OLFML1: variants seen among roughly 807,000 people sequenced by gnomAD.
OLFML1 encodes olfactomedin like 1, also known as olfactomedin-like protein 1.
A neutral mutation model predicts 37.3 loss-of-function variants in OLFML1; 33 were observed. The ratio of observed to expected loss-of-function variants is 0.88; its 90% CI spans 0.67 to 1.18. OLFML1 has a LOEUF of 1.18. Among genes scored for constraint, OLFML1 ranks in the 50% most tolerant of loss-of-function variants. OLFML1 has a pLI of 0.00. For synonymous variants in OLFML1, 186 were observed against 181.3 expected, an observed-to-expected ratio of 1.03 and a Z score of -0.21; for missense variants, 545 against 483.7, an observed-to-expected ratio of 1.13 and a Z score of -1.19.
At chr11:7,500,827 G>C (rs1848714475) in intron 2 of OLFML1, among the ~76,000 whole-genome samples, 1 of 151,414 alleles carries the variant, frequency 6.6e-6, no homozygotes, top group African/African-American at 2.4e-5. Context: ...TTGAGGCCAG[G>C]AGTTTGAGAC....
At chr11:7,496,663 T>G (rs61888646) in intron 2 of OLFML1, among the ~76,000 whole-genome samples, 1 of 151,946 alleles carries the variant, frequency 6.6e-6, no homozygotes, top group African/African-American at 2.4e-5. Flanking sequence ...CAGCTAGAAA[T>G]TGAGAGCATT....
chr11:7,507,485 C>T (rs1038389981), intron 2 of OLFML1, among the ~76,000 whole-genome samples: 1 of 151,948 alleles, frequency 6.6e-6, no homozygotes. Flanking sequence ...CAATCTACTA[C>T]AATTGACCCT....
intron 2 of OLFML1, among the ~76,000 whole-genome samples, chr11:7,497,292 G>A (rs984249512): frequency 1.3e-5 from 2 of 152,160 alleles, no homozygotes; most frequent in Non-Finnish European, 2.9e-5. Context: ...AAAAAAAACA[G>A]ATAAGACAAA....
Position 7,488,240 on chromosome 11 carries a change from C to A in OLFML1, c.243C>A (p.Tyr81Ter). ...LGRCQTYTSE[Y>*]KSAVGNLALR... is the part of the protein sequence containing the mutation. ...GATGTCAGACCTACACAAGTGAGTA[C>A]AAGAGTGCAGTGGGTAACTTGGCAC... Residue 81 changes from tyrosine to a stop codon, truncating the protein, a stop_gained, in exon 2 of 3, where the codon TAC becomes TAA. Transcript: ENST00000329293. LOFTEE classifies it high-confidence loss of function. 1.2e-6 allele frequency: 2 copies of A among 1,613,938 alleles called. No individual in the cohort carries two copies. The highest frequency in any genetic ancestry group is 1.7e-6 in the Non-Finnish European group (2 of 1,179,958).
chr11:7,490,867 G>A lies in OLFML1; in HGVS notation c.418+2452G>A, dbSNP rs1322674719. Among the ~76,000 whole-genome samples, 7 of 152,158 alleles carry A rather than the reference G, an allele frequency of 4.6e-5. No homozygotes were observed. The East Asian group carries it at 7.7e-4, about 17-fold the overall frequency. ...TCTTGCCTCCCACAGTCTGCCTCCT[G>A]TCATGCAGACCTTCCACAACACAAA... On this transcript the variant is annotated intron_variant, in intron 2 of 2. Coordinates refer to ENST00000329293, the MANE Select transcript of OLFML1 (RefSeq NM_198474.4).
chr11:7,508,931 A>G (rs902869488), intron 2 of OLFML1, among the ~76,000 whole-genome samples: 3 of 152,230 alleles, frequency 2.0e-5, no homozygotes, highest in African/African-American at 7.2e-5. Context: ...TAGAGAGTGA[A>G]CACGGTCTCT....
Position 7,485,572 on chromosome 11 carries a change from G to A in OLFML1, c.-304G>A. 1 of 292,912 alleles carries A rather than the reference G, an allele frequency of 3.4e-6. No homozygotes were observed. The highest frequency in any genetic ancestry group is 6.4e-6 in the Non-Finnish European group (1 of 156,498). The allele number at this position is 292,912 out of a possible 1,614,324, so 18.1% of individuals were successfully genotyped here. On this transcript the variant is annotated 5_prime_UTR_variant, in exon 1 of 3. Transcript: ENST00000329293. The stretch of plus-strand genomic sequence containing the variant: ...AAGCAGCTTGCAACCACTAGCCTGG[G>A]GAGGGTCCGCATGTGTCAAGGGTGA...
chr11:7,492,938 A>G (rs1848616230), intron 2 of OLFML1, among the ~76,000 whole-genome samples: 1 of 152,198 alleles, frequency 6.6e-6, no homozygotes, highest in African/African-American at 2.4e-5. Context: ...ACCAAGATTA[A>G]GTGGTGTCTT....
intron 2 of OLFML1, among the ~76,000 whole-genome samples, chr11:7,491,254 T>C (rs538006277): frequency 1.3e-5 from 2 of 152,298 alleles, no homozygotes; most frequent in African/African-American, 4.8e-5. Context: ...GATTGGCCTA[T>C]AATGCTCCTG....
rs141768995 is a variant in OLFML1 at position 7,510,116 on chromosome 11, G to C, written c.1137G>C (p.Gln379His). 3.7e-6 allele frequency: 6 copies of C among 1,614,022 alleles called. No homozygotes were observed. The Admixed American group carries it at 8.3e-5, about 22-fold the overall frequency. ...SMIHYNPRDK[Q>H]LYAWNEGNQI... ...TCCATTACAACCCCAGAGATAAGCA[G>C]CTCTATGCCTGGAATGAAGGAAACC... Residue 379 changes from glutamine to histidine, a missense_variant, in exon 3 of 3, where the codon CAG becomes CAC. Coordinates refer to ENST00000329293, the MANE Select transcript of OLFML1 (RefSeq NM_198474.4).
chr11:7,502,111 C>A (rs1848731130), intron 2 of OLFML1, among the ~76,000 whole-genome samples: 1 of 152,148 alleles, frequency 6.6e-6, no homozygotes, highest in Admixed American at 6.5e-5. Flanking sequence ...GAAAGTGAGA[C>A]TTGAAGGCTA....
chr11:7,507,661 G>A (rs111743361), intron 2 of OLFML1, among the ~76,000 whole-genome samples: 1,840 of 151,762 alleles, frequency 0.012, 47 homozygotes, highest in African/African-American at 0.042. Flanking sequence ...TGATTCTCCT[G>A]CCTCAGCTTG....
intron 2 of OLFML1, among the ~76,000 whole-genome samples, chr11:7,493,852 T>C (rs537611059): frequency 6.6e-5 from 10 of 152,314 alleles, no homozygotes; most frequent in Admixed American, 1.3e-4. Flanking sequence ...ATTCTAGAAA[T>C]ATGTTGGCAT....
chr11:7,506,366 A>T (rs1050767507), intron 2 of OLFML1, among the ~76,000 whole-genome samples: 3 of 152,210 alleles, frequency 2.0e-5, no homozygotes, highest in African/African-American at 7.2e-5. Flanking sequence ...TTCTTCTAAG[A>T]TGTGTGTGAG....
chr11:7,487,804 G>A (rs1051150262), intron 1 of OLFML1, among the ~76,000 whole-genome samples: 1 of 151,796 alleles, frequency 6.6e-6, no homozygotes, highest in African/African-American at 2.4e-5. Flanking sequence ...TTAAAGTTAT[G>A]GTATAGGTAT....
intron 2 of OLFML1, among the ~76,000 whole-genome samples, chr11:7,500,722 G>GTT (rs74647381): frequency 1.4e-5 from 2 of 144,478 alleles, no homozygotes. Flanking sequence ...GTTTAAGAAG[G>GTT]TTTTTTTTTT....
At chr11:7,488,641 T>G in intron 2 of OLFML1, 1 of 358,248 alleles carries the variant, frequency 2.8e-6, no homozygotes, top group East Asian at 5.6e-5. Context: ...AAAGCCTCCA[T>G]AGATGGTGAA....
chr11:7,492,617 G>A (rs1338587422), intron 2 of OLFML1, among the ~76,000 whole-genome samples: 5 of 152,142 alleles, frequency 3.3e-5, no homozygotes, highest in East Asian at 1.9e-4. Flanking sequence ...AGCTGCTCTT[G>A]TATCTTCAGC....
At chr11:7,508,683 C>T (rs1474499979) in intron 2 of OLFML1, among the ~76,000 whole-genome samples, 2 of 152,330 alleles carry the variant, frequency 1.3e-5, no homozygotes, top group African/African-American at 2.4e-5. Flanking sequence ...TGCATTCATA[C>T]ATTCATGAAT....
Sources: allele counts gnomAD v4.1 joint callset (sites outside exome capture counted in the v4.1 genomes callset), GRCh38; gene constraint gnomAD v4.1.1; transcripts MANE v1.5; gene names NCBI Gene and HGNC (gene_info 2026-07-23, HGNC 2026-07-21).